RAP1GAP2: variants seen among roughly 807,000 people sequenced by gnomAD.
RAP1GAP2 encodes the protein rap1 GTPase-activating protein 2.
RAP1GAP2 carries 27 observed loss-of-function variants against 95.0 expected under a neutral mutation model. The ratio of observed to expected loss-of-function variants is 0.28; its 90% CI spans 0.21 to 0.39. RAP1GAP2 has a LOEUF of 0.39. Among genes scored for constraint, RAP1GAP2 ranks in the 10% least tolerant of loss-of-function variants. The pLI is 1.00. For synonymous variants in RAP1GAP2, 373 were observed against 380.9 expected (o/e 0.98, Z 0.24); for missense variants, 771 against 970.0 (o/e 0.79, Z 2.72).
At chr17:3,010,545 A>G (rs1016433530) in intron 17 of RAP1GAP2, among the ~76,000 whole-genome samples, 3 of 152,118 alleles carry the variant, frequency 2.0e-5, no homozygotes, top group South Asian at 2.1e-4. Context: ...ATGGTGCCCA[A>G]TGGAGGAGGT....
chr17:2,869,741 C>T (rs893332420), intron 2 of RAP1GAP2, among the ~76,000 whole-genome samples: 1 of 152,222 alleles, frequency 6.6e-6, no homozygotes, highest in East Asian at 1.9e-4. Flanking sequence ...GTGCGGGCAG[C>T]GCTGGGCCAC....
At chr17:2,977,660 G>C (rs147463333) in intron 8 of RAP1GAP2, among the ~76,000 whole-genome samples, 2,610 of 148,630 alleles carry the variant, frequency 0.018, 70 homozygotes, top group African/African-American at 0.061. Context: ...CAGGAGAATT[G>C]CTTGAACCCG....
Position 2,787,425 on chromosome 17 carries a change from A to T in RAP1GAP2, c.-14+10147A>T, listed in dbSNP as rs143695559. Among the ~76,000 whole-genome samples, 88 of 151,774 alleles carry T rather than the reference A, an allele frequency of 5.8e-4. 1 individual carries two copies. The East Asian group carries it at 0.015, about 27-fold the overall frequency. On this transcript the variant is annotated intron_variant, in intron 1 of 24. Coordinates refer to the RAP1GAP2 transcript ENST00000540393. Reference sequence around the variant, plus strand: ...GCACAGCACCATGCCTGGCTAATTTAAAAAAATTTTTGTACAGATGGGGTC... The same window carrying T: ...GCACAGCACCATGCCTGGCTAATTTTAAAAAATTTTTGTACAGATGGGGTC...
At chr17:2,804,698 C>T (rs564565467) in intron 2 of RAP1GAP2, among the ~76,000 whole-genome samples, 38 of 152,278 alleles carry the variant, frequency 2.5e-4, no homozygotes, top group Admixed American at 7.2e-4. Flanking sequence ...GAGTTGGACA[C>T]TCAGAAGCAA....
chr17:2,769,987 C>T (rs2068355596), intron 1 of RAP1GAP2, among the ~76,000 whole-genome samples: 2 of 149,168 alleles, frequency 1.3e-5, no homozygotes, highest in South Asian at 2.1e-4. Context: ...GCAGGAGAAT[C>T]GCTTGAACTT....
chr17:3,003,571 G>C lies in RAP1GAP2; in HGVS notation c.1201-1798G>C. On this transcript the variant is annotated intron_variant, in intron 14 of 24. Transcript: ENST00000254695. The surrounding 1 kb of genome is among the most constrained non-coding windows in gnomAD (Gnocchi z 4.1). ...GCGTGGGGCCTTTGTCACGTTTGAA[G>C]CTTTCTGAGGTTCCCAGTGCATCCT... 6.6e-6 allele frequency among the ~76,000 whole-genome samples: 1 copy of C among 152,290 alleles called. No individual in the cohort carries two copies. Among genetic ancestry groups the C allele is most frequent in the South Asian group, 2.1e-4 (1 of 4,832 alleles).
upstream of RAP1GAP2, among the ~76,000 whole-genome samples, chr17:2,772,571 A>T (rs2151436675): frequency 6.6e-6 from 1 of 152,260 alleles, no homozygotes; most frequent in African/African-American, 2.4e-5. Context: ...CTGAGATGAC[A>T]GACGTGAGCC....
chr17:2,945,164 C>T (rs896362385), intron 3 of RAP1GAP2, among the ~76,000 whole-genome samples: 25 of 152,202 alleles, frequency 1.6e-4, no homozygotes, highest in African/African-American at 5.8e-4. Context: ...CGTGAGCCAC[C>T]GTGCCCAGCC....
In RAP1GAP2 at chr17:2,904,957, C is replaced by A. The variant is rs958429327; in HGVS notation, c.81-327C>A. ...AGTGCAGTGGCGCCATCTTGGCTCA[C>A]TGCAACCTCCACCTCCCAGGTTCAA... is the stretch of plus-strand genomic sequence containing the variant. On this transcript the variant is annotated intron_variant, in intron 2 of 24. Coordinates refer to ENST00000254695, the MANE Select transcript of RAP1GAP2 (RefSeq NM_015085.5). This position sits in a 1 kb window ranked among gnomAD's most constrained non-coding sequence, Gnocchi z 4.7. 2.0e-5 allele frequency among the ~76,000 whole-genome samples: 3 copies of A among 152,256 alleles called. No individual in the cohort carries two copies. The highest frequency in any genetic ancestry group is 2.9e-5 in the Non-Finnish European group (2 of 68,000).
intron 17 of RAP1GAP2, among the ~76,000 whole-genome samples, chr17:3,011,094 CTT>C (rs903187151): frequency 6.6e-6 from 1 of 151,416 alleles, no homozygotes; most frequent in African/African-American, 2.4e-5. Context: ...GCCCGGCTAA[CTT>C]TTTGTATTTT....
At chr17:2,967,462 G>T (rs1359818478) in intron 8 of RAP1GAP2, among the ~76,000 whole-genome samples, 1 of 152,188 alleles carries the variant, frequency 6.6e-6, no homozygotes, top group Non-Finnish European at 1.5e-5. Context: ...GAAGAATCCT[G>T]TCCTCTTTAG....
In RAP1GAP2 at chr17:2,800,495, C is replaced by T. The variant is rs1285394067; in HGVS notation, c.45-20C>T. ...CTTCAGCCTCAGCACTGACCGGAGC[C>T]CTTGCTTTTCTCTTGGCAGGATCGA... On this transcript the variant is annotated intron_variant, in intron 1 of 24. Coordinates refer to ENST00000254695, the MANE Select transcript of RAP1GAP2 (RefSeq NM_015085.5). 6.8e-6 allele frequency: 11 copies of T among 1,610,948 alleles called. No homozygotes were observed.
At chr17:2,962,847 C>T (rs574918400) in intron 5 of RAP1GAP2, 133 bp downstream of exon 5, 140 of 843,602 alleles carry the variant, frequency 1.7e-4, no homozygotes, top group Non-Finnish European at 2.3e-4. Context: ...CACCACGGGC[C>T]GCTTCACGAC....
chr17:2,806,873 G>A (rs113432729), intron 2 of RAP1GAP2, among the ~76,000 whole-genome samples: 9,088 of 151,844 alleles, frequency 0.06, 348 homozygotes, highest in Non-Finnish European at 0.09. Context: ...TAGTACAGAC[G>A]GGGTTTTGCC....
chr17:2,859,435 T>A (rs1034131430), intron 2 of RAP1GAP2, among the ~76,000 whole-genome samples: 4 of 151,672 alleles, frequency 2.6e-5, no homozygotes, highest in Admixed American at 2.0e-4. Context: ...TTTAAAAAAA[T>A]TTTAATTTAA....
intron 2 of RAP1GAP2, among the ~76,000 whole-genome samples, chr17:2,834,387 C>G (rs2071040723): frequency 6.6e-6 from 1 of 152,172 alleles, no homozygotes. Flanking sequence ...GGAACAAGTT[C>G]TAAGAACTGG....
chr17:2,935,629 A>G lies in RAP1GAP2; in HGVS notation c.166-22130A>G, dbSNP rs187195851. Among the ~76,000 whole-genome samples the G allele has an allele frequency of 2.0e-5, 3 of 152,300 alleles. No individual in the cohort carries two copies. The East Asian group carries it at 5.8e-4, about 29-fold the overall frequency. On this transcript the variant is annotated intron_variant, in intron 3 of 24. Transcript: ENST00000254695. ...CTGAAATTAATTCTATAAATCCAGT[A>G]CACGTAGAGCCGGCAGACATTTGTC...
chr17:2,916,796 AAC>A (rs1415437932), intron 3 of RAP1GAP2, among the ~76,000 whole-genome samples: 1 of 152,150 alleles, frequency 6.6e-6, no homozygotes, highest in African/African-American at 2.4e-5. Flanking sequence ...GCCCTTGAGA[AAC>A]ACACAGTCAG....
intron 2 of RAP1GAP2, among the ~76,000 whole-genome samples, chr17:2,858,625 T>C (rs1056355083): frequency 6.6e-6 from 1 of 152,140 alleles, no homozygotes; most frequent in Admixed American, 6.6e-5. Flanking sequence ...TAAGAATTCT[T>C]GGCCAGGCAC....
Sources: allele counts gnomAD v4.1 joint callset (sites outside exome capture counted in the v4.1 genomes callset), GRCh38; gene constraint gnomAD v4.1.1; non-coding constraint Gnocchi (gnomAD v3.1); transcripts MANE v1.5; gene names NCBI Gene and HGNC (gene_info 2026-07-23, HGNC 2026-07-21).